BTBD16: variants seen among roughly 807,000 people sequenced by gnomAD.
The protein encoded by BTBD16 is BTB domain containing 16, also known as BTB/POZ domain-containing protein 16.
Under a neutral mutation model 67.4 loss-of-function variants are expected in BTBD16, and 66 were observed. The observed-to-expected ratio is 0.98, with a 90% CI of 0.80 to 1.20. The LOEUF is 1.20. Ranked by LOEUF, BTBD16 falls within the 50% of genes most tolerant of loss-of-function variation. BTBD16 has a pLI of 0.00. For missense variants in BTBD16, 634 were observed against 616.0 expected (o/e 1.03, Z -0.31); for synonymous variants, 242 against 236.4 (o/e 1.02, Z -0.22).
chr10:122,338,102 C>CT lies in BTBD16; in HGVS notation c.*18dup, dbSNP rs776288700. The CT allele has an allele frequency of 1.3e-5, 20 of 1,566,742 alleles. No homozygotes were observed. In the East Asian group the frequency reaches 4.5e-4, roughly 35 times the overall value. On this transcript the variant is annotated 3_prime_UTR_variant, in exon 16 of 16. Coordinates refer to ENST00000260723, the MANE Select transcript of BTBD16 (RefSeq NM_144587.5). ...GCATCTTGACAGTTTCCAGAAGAAT[C>CT]TATGGGATTTTCCCCCCACTGGTCT...
rs752225263 is a variant in BTBD16, at chr10:122,331,211, TTCC to T, written c.1040_1042del (p.Phe347_Pro348delinsSer). 1.9e-6 allele frequency: 3 copies of T among 1,613,614 alleles called. No individual in the cohort carries two copies. The highest frequency in any genetic ancestry group is 1.3e-5 in the African/African-American group (1 of 75,004). On this transcript the variant is annotated inframe_deletion, in exon 12 of 16. Coordinates refer to ENST00000260723, the MANE Select transcript of BTBD16 (RefSeq NM_144587.5). ...GGAGGTGCTGCGGCACCTTAACTTC[TTCC>T]CAGAGTCATGGCTCGACCAGGTTAC...
intron 3 of BTBD16, among the ~76,000 whole-genome samples, chr10:122,283,634 A>G (rs1364684856): frequency 3.9e-5 from 6 of 152,154 alleles, no homozygotes; most frequent in Non-Finnish European, 8.8e-5. Context: ...CTACCCACAA[A>G]CTGAACACAG....
chr10:122,275,215 A>G, intron 2 of BTBD16, 116 bp downstream of exon 2: 1 of 1,015,126 alleles, frequency 9.9e-7, no homozygotes, highest in South Asian at 1.3e-5. Flanking sequence ...CTCAAGCATT[A>G]TTGGCTGACT....
intron 10 of BTBD16, among the ~76,000 whole-genome samples, chr10:122,326,943 T>C (rs1590094669): frequency 1.3e-5 from 2 of 152,214 alleles, no homozygotes; most frequent in Admixed American, 1.3e-4. Context: ...AGCACTGTAG[T>C]CCCCAGACTT....
intron 2 of BTBD16, among the ~76,000 whole-genome samples, chr10:122,275,612 A>G (rs866355851): frequency 6.6e-6 from 1 of 152,136 alleles, no homozygotes; most frequent in Middle Eastern, 3.4e-3. Flanking sequence ...TAAAATTTGA[A>G]CTCATATGCT....
At chr10:122,282,112 C>T (rs938090760) in intron 3 of BTBD16, among the ~76,000 whole-genome samples, 5 of 152,214 alleles carry the variant, frequency 3.3e-5, no homozygotes, top group African/African-American at 9.7e-5. Context: ...GTGTGCTCAC[C>T]TCTGTTTCCC....
At chr10:122,322,505 A>C (rs1166935545) in intron 10 of BTBD16, among the ~76,000 whole-genome samples, 1 of 152,194 alleles carries the variant, frequency 6.6e-6, no homozygotes, top group East Asian at 1.9e-4. Flanking sequence ...TGATATCAAG[A>C]AGATGGAGTG....
At chr10:122,317,973 T>C (rs2096428968) in intron 10 of BTBD16, among the ~76,000 whole-genome samples, 1 of 152,240 alleles carries the variant, frequency 6.6e-6, no homozygotes, top group South Asian at 2.1e-4. Context: ...TATTATTCAT[T>C]ATTAAGTATT....
intron 3 of BTBD16, among the ~76,000 whole-genome samples, chr10:122,283,157 T>A (rs1354470118): frequency 1.3e-5 from 2 of 152,190 alleles, no homozygotes; most frequent in African/African-American, 4.8e-5. Context: ...ATTTGCATTT[T>A]GTGGGAGGCA....
At position 122,307,201 on chromosome 10, in the gene BTBD16, T is replaced by C. The variant is rs2096405138; in HGVS notation, c.804T>C (p.Phe268=). Residue 268 remains phenylalanine (F), a synonymous_variant, in exon 10 of 16, where the codon TTT becomes TTC. Transcript: ENST00000260723. ...KVLKSPRLFT[F]SEFHLLKTML... The stretch of plus-strand genomic sequence containing the variant: ...TTATTTTGGCCAGGTTATTTACCTT[T>C]AGTGAATTCCATCTTCTGAAAACAA... 3.1e-6 allele frequency: 5 copies of C among 1,602,880 alleles called. No homozygotes were observed. The South Asian group carries it at 5.7e-5, about 18-fold the overall frequency.
At chr10:122,328,993 T>C (rs1168668675) in intron 10 of BTBD16, among the ~76,000 whole-genome samples, 1 of 152,094 alleles carries the variant, frequency 6.6e-6, no homozygotes, top group South Asian at 2.1e-4. Context: ...AGCGCCTAAT[T>C]TGGTCACTTA....
intron 1 of BTBD16, among the ~76,000 whole-genome samples, chr10:122,273,473 C>T (rs1017756608): frequency 3.3e-5 from 5 of 152,102 alleles, no homozygotes; most frequent in Admixed American, 3.3e-4. Context: ...GAAACAGTGT[C>T]TCATGCCCAT....
chr10:122,297,669 T>C (rs1189862497), intron 7 of BTBD16, 99 bp from the exon 8 acceptor site: 1 of 1,337,326 alleles, frequency 7.5e-7, no homozygotes, highest in Non-Finnish European at 1.1e-6. Context: ...CGTTCAAAAG[T>C]CTGCTGCTGT....
At position 122,337,197 on chromosome 10, in the gene BTBD16, G is replaced by C. The variant is rs145347421; in HGVS notation, c.1452+515G>C. 3.9e-3 allele frequency among the ~76,000 whole-genome samples: 596 copies of C among 152,248 alleles called. 1 individual carries two copies. Among genetic ancestry groups the C allele is most frequent in the African/African-American group, 0.013 (560 of 41,526 alleles). The stretch of plus-strand genomic sequence containing the variant: ...TGCTACAAGCCAGTGAGTAATTCCT[G>C]GTCCTGATTGCACATCAGAATCACC... On this transcript the variant is annotated intron_variant, in intron 15 of 15. Transcript: ENST00000260723.
In BTBD16 at chr10:122,332,532, G is replaced by A. The variant is rs113824087; in HGVS notation, c.1164+19G>A. 3.1e-4 allele frequency: 494 copies of A among 1,602,464 alleles called. No homozygotes were observed. Among genetic ancestry groups the A allele is most frequent in the African/African-American group, 7.0e-4 (52 of 74,740 alleles). ...TAACCAGGTACTGAGAACTGTACCC[G>A]AACAAGGGGAAGAACTGTTCCTCTC... On this transcript the variant is annotated intron_variant, in intron 13 of 15. Coordinates refer to ENST00000260723, the MANE Select transcript of BTBD16 (RefSeq NM_144587.5).
intron 10 of BTBD16, among the ~76,000 whole-genome samples, 171 bp from the exon 11 acceptor site, chr10:122,329,309 T>C (rs1209209516): frequency 6.6e-6 from 1 of 152,178 alleles, no homozygotes; most frequent in Non-Finnish European, 1.5e-5. Flanking sequence ...TAAAATGTCG[T>C]CTAAGCCACC....
intron 10 of BTBD16, 59 bp downstream of exon 10, chr10:122,307,367 C>T: frequency 6.8e-7 from 1 of 1,459,940 alleles, no homozygotes; most frequent in African/African-American, 1.4e-5. Context: ...ACAAACACTG[C>T]TCATAATATC....
intron 13 of BTBD16, among the ~76,000 whole-genome samples, chr10:122,333,703 A>G (rs2096458526): frequency 6.6e-6 from 1 of 152,206 alleles, no homozygotes; most frequent in African/African-American, 2.4e-5. Flanking sequence ...TAAAAATAGA[A>G]GAAATTTTAA....
intron 7 of BTBD16, among the ~76,000 whole-genome samples, chr10:122,293,370 C>G (rs2096377450): frequency 6.6e-6 from 1 of 152,180 alleles, no homozygotes; most frequent in Non-Finnish European, 1.5e-5. Context: ...TCTGGGGACT[C>G]ATGAAATGAC....
Sources: allele counts gnomAD v4.1 joint callset (sites outside exome capture counted in the v4.1 genomes callset), GRCh38; gene constraint gnomAD v4.1.1; transcripts MANE v1.5; gene names NCBI Gene and HGNC (gene_info 2026-07-23, HGNC 2026-07-21).